Variants in PPM1H observed in about 807,000 individuals in gnomAD.
The protein encoded by PPM1H is protein phosphatase, Mg2+/Mn2+ dependent 1H.
Under a neutral mutation model 54.9 loss-of-function variants are expected in PPM1H, and 27 were observed. The ratio of observed to expected loss-of-function variants is 0.49; its 90% CI spans 0.36 to 0.68. The LOEUF is 0.68. Among genes scored for constraint, PPM1H ranks in the 30% least tolerant of loss-of-function variants. The pLI is 0.00. For missense variants in PPM1H, 596 were observed against 667.8 expected (o/e 0.89, Z 1.19); for synonymous variants, 305 against 270.8 (o/e 1.13, Z -1.24).
intron 8 of PPM1H, among the ~76,000 whole-genome samples, chr12:62,669,563 G>A (rs779732539): frequency 1.8e-4 from 27 of 152,186 alleles, no homozygotes; most frequent in Non-Finnish European, 2.4e-4. Context: ...TATGATGACT[G>A]TGGAGACTGT....
chr12:62,915,729 C>T (rs78818431), intron 1 of PPM1H, among the ~76,000 whole-genome samples: 2 of 152,224 alleles, frequency 1.3e-5, no homozygotes, highest in African/African-American at 4.8e-5. Flanking sequence ...CCTGGCAGAC[C>T]TAAAGAGCAG....
At chr12:62,684,023 G>A (rs1269639474) in intron 8 of PPM1H, among the ~76,000 whole-genome samples, 1 of 152,192 alleles carries the variant, frequency 6.6e-6, no homozygotes, top group East Asian at 1.9e-4. Context: ...GTGCGTTTGA[G>A]TTAACAAATC....
intron 9 of PPM1H, among the ~76,000 whole-genome samples, chr12:62,651,679 G>A (rs555845422): frequency 1.3e-5 from 2 of 152,090 alleles, no homozygotes; most frequent in African/African-American, 4.8e-5. Flanking sequence ...TTTCCCTTAG[G>A]TGCTTAACTT....
At chr12:62,680,315 TTC>T (rs571961818) in intron 8 of PPM1H, among the ~76,000 whole-genome samples, 6 of 150,018 alleles carry the variant, frequency 4.0e-5, no homozygotes, top group African/African-American at 9.8e-5. Flanking sequence ...CTCTCTTGCT[TTC>T]TCTCTCTCTC....
At chr12:62,668,853 T>C (rs974788062) in intron 8 of PPM1H, among the ~76,000 whole-genome samples, 1 of 152,228 alleles carries the variant, frequency 6.6e-6, no homozygotes, top group African/African-American at 2.4e-5. Flanking sequence ...TAGAAAGGTT[T>C]GTCCAGGCTA....
chr12:62,751,406 C>T (rs1183249901), intron 4 of PPM1H, among the ~76,000 whole-genome samples: 1 of 152,182 alleles, frequency 6.6e-6, no homozygotes, highest in African/African-American at 2.4e-5. Flanking sequence ...GAATGAGGAA[C>T]AATCTCATCA....
At chr12:62,683,057 AT>A (rs2076030858) in intron 8 of PPM1H, among the ~76,000 whole-genome samples, 1 of 144,708 alleles carries the variant, frequency 6.9e-6, no homozygotes, top group South Asian at 2.1e-4. Context: ...TATTATTATT[AT>A]TATTATTATT....
intron 1 of PPM1H, among the ~76,000 whole-genome samples, chr12:62,923,441 C>T (rs996605780): frequency 6.6e-6 from 1 of 151,958 alleles, no homozygotes; most frequent in African/African-American, 2.4e-5. Flanking sequence ...CCCTCTTGGC[C>T]CCCAGGCTGG....
At chr12:62,682,430 A>T (rs1364457856) in intron 8 of PPM1H, among the ~76,000 whole-genome samples, 2 of 152,228 alleles carry the variant, frequency 1.3e-5, no homozygotes, top group African/African-American at 2.4e-5. Flanking sequence ...GAATCAGAAG[A>T]TTATAAATGT....
Position 62,689,768 on chromosome 12 carries a change from A to C in PPM1H, c.1176T>G (p.Leu392=). ...CATGCACCTTCAGGTCATGGTCCCC[A>C]AGTCCCCTGGTCACTCCAATAGTTG... ...VMATIGVTRG[L]GDHDLKVHDS... is the part of the protein sequence containing the mutation. The change falls in exon 8 of 10, where the codon CTT becomes CTG. Residue 392 remains leucine, a synonymous_variant. Coordinates refer to ENST00000228705, the MANE Select transcript of PPM1H (RefSeq NM_020700.2). 6.2e-7 allele frequency: 1 copy of C among 1,613,768 alleles called. No individual in the cohort carries two copies. Among genetic ancestry groups the C allele is most frequent in the Non-Finnish European group, 8.5e-7 (1 of 1,179,802 alleles).
chr12:62,694,497 A>G (rs1161567267), intron 6 of PPM1H, among the ~76,000 whole-genome samples: 2 of 152,214 alleles, frequency 1.3e-5, no homozygotes, highest in Non-Finnish European at 2.9e-5. Context: ...TTGGTAAAAC[A>G]TTCTTTGTTT....
At chr12:62,801,451 G>A (rs968520768) in intron 3 of PPM1H, among the ~76,000 whole-genome samples, 1 of 152,086 alleles carries the variant, frequency 6.6e-6, no homozygotes, top group Admixed American at 6.5e-5. Context: ...CCGAGTAGCT[G>A]GGATTACAGG....
intron 1 of PPM1H, among the ~76,000 whole-genome samples, chr12:62,863,648 C>T (rs533983627): frequency 6.6e-6 from 1 of 152,262 alleles, no homozygotes; most frequent in Non-Finnish European, 1.5e-5. Flanking sequence ...GTTAATCTGA[C>T]TCTTACTATA....
intron 4 of PPM1H, among the ~76,000 whole-genome samples, chr12:62,753,939 C>T (rs1410235225): frequency 4.6e-5 from 7 of 152,144 alleles, no homozygotes; most frequent in Non-Finnish European, 1.0e-4. Context: ...TCCCTCATCA[C>T]CAGGATTAGA....
At chr12:62,726,377 AG>A (rs960916518) in intron 5 of PPM1H, among the ~76,000 whole-genome samples, 25 of 152,318 alleles carry the variant, frequency 1.6e-4, no homozygotes, top group African/African-American at 6.0e-4. Flanking sequence ...TATTTAAAAA[AG>A]TTATCTGAGG....
intron 1 of PPM1H, among the ~76,000 whole-genome samples, chr12:62,902,579 G>A (rs1871191917): frequency 6.6e-6 from 1 of 152,172 alleles, no homozygotes; most frequent in African/African-American, 2.4e-5. Context: ...CCTGGGGGTA[G>A]CCTACCTGAG....
At chr12:62,903,148 C>A (rs892864994) in intron 1 of PPM1H, among the ~76,000 whole-genome samples, 10 of 152,190 alleles carry the variant, frequency 6.6e-5, no homozygotes, top group African/African-American at 2.4e-4. Context: ...TTTATGGCCA[C>A]TGCATTCAGA....
intron 1 of PPM1H, among the ~76,000 whole-genome samples, chr12:62,925,538 A>G (rs1871947410): frequency 6.6e-6 from 1 of 152,258 alleles, no homozygotes; most frequent in Admixed American, 6.5e-5. Flanking sequence ...AGATTGTGCC[A>G]CTGCACTTCA....
intron 4 of PPM1H, among the ~76,000 whole-genome samples, chr12:62,772,550 A>G (rs1001657084): frequency 6.6e-6 from 1 of 152,198 alleles, no homozygotes; most frequent in East Asian, 1.9e-4. Flanking sequence ...ACATTAAGTG[A>G]AAGAGCAGCA....
Sources: allele counts gnomAD v4.1 joint callset (sites outside exome capture counted in the v4.1 genomes callset), GRCh38; gene constraint gnomAD v4.1.1; transcripts MANE v1.5; gene names NCBI Gene and HGNC (gene_info 2026-07-23, HGNC 2026-07-21).